Variants in TBC1D16 observed in about 807,000 individuals in gnomAD.
TBC1D16 encodes TBC1 domain family member 16.
A neutral mutation model predicts 74.7 loss-of-function variants in TBC1D16; 58 were observed. That is an observed-to-expected ratio of 0.78 (90% CI 0.63 to 0.97). TBC1D16 has a LOEUF of 0.97. Among genes scored for constraint, TBC1D16 ranks in the 50% least tolerant of loss-of-function variants. The probability of loss-of-function intolerance (pLI) is 0.00; values close to 1 mark genes in which losing one functional copy is unlikely to be tolerated. For synonymous variants in TBC1D16, 493 were observed against 474.7 expected (o/e 1.04, Z -0.50); for missense variants, 1,014 against 1,079.5 (o/e 0.94, Z 0.85).
intron 2 of TBC1D16, among the ~76,000 whole-genome samples, chr17:80,011,421 C>T (rs1053622963): frequency 1.3e-5 from 2 of 152,186 alleles, no homozygotes; most frequent in Non-Finnish European, 2.9e-5. Context: ...CAGGGCTCAC[C>T]TGCCTGCAGC....
rs1252001616 is a variant in TBC1D16, at chr17:79,940,950, C to T, written c.2213G>A (p.Gly738Glu). The T allele has an allele frequency of 6.2e-7, 1 of 1,602,616 alleles. No homozygotes were observed. The highest frequency in any genetic ancestry group is 8.5e-7 in the Non-Finnish European group (1 of 1,175,184). ...HHPGSESCPY[G>E]GTVEMPSPKS... ...GGGGGAAGGCATCTCCACCGTGCCC[C>T]CGTAGGGACAGCTCTCCGAGCCGGG... The change falls in exon 12 of 12, where the codon GGG (glycine) becomes GAG (glutamate). Residue 738 changes from glycine to glutamate, a missense_variant. Physicochemically the swap from Gly to Glu is moderately conservative, Grantham distance 98. Transcript: ENST00000310924. The surrounding 1 kb of genome is among the most constrained non-coding windows in gnomAD (Gnocchi z 5.4).
At chr17:80,012,591 A>C (rs1426942329) in intron 2 of TBC1D16, among the ~76,000 whole-genome samples, 1 of 150,898 alleles carries the variant, frequency 6.6e-6, no homozygotes, top group Admixed American at 6.6e-5. Flanking sequence ...TTTTTTTTTT[A>C]ATAGAGATGA....
chr17:79,948,987 C>T lies in TBC1D16; in HGVS notation c.1426G>A (p.Glu476Lys), dbSNP rs34845477. The T allele has an allele frequency of 4.0e-4, 647 of 1,614,122 alleles. No individual in the cohort carries two copies. In the African/African-American group the frequency reaches 7.7e-3, roughly 19 times the overall value. Reference sequence around the variant, plus strand: ...ACATTACGCCAGAACGCTCTGTGCTCCTCGGGAGTCATGGAGAGCCTGTGT... The same window carrying T: ...ACATTACGCCAGAACGCTCTGTGCTTCTCGGGAGTCATGGAGAGCCTGTGT... ...QQKRLSMTPE[E>K]HRAFWRNVQF... is the part of the protein sequence containing the mutation. Residue 476 changes from glutamate to lysine, a missense_variant, in exon 8 of 12, where the codon GAG becomes AAG. Transcript: ENST00000310924.
chr17:79,960,807 A>AAAAAAAAAG (rs2033574287), intron 3 of TBC1D16, among the ~76,000 whole-genome samples: 1 of 141,622 alleles, frequency 7.1e-6, no homozygotes, highest in Admixed American at 7.0e-5. Context: ...AAAAAAAAAA[A>AAAAAAAAAG]AACGAAGGAA....
intron 1 of TBC1D16, 41 bp from the exon 2 acceptor site, chr17:80,013,650 T>G: frequency 7.8e-7 from 1 of 1,281,882 alleles, no homozygotes; most frequent in South Asian, 1.6e-5. Flanking sequence ...GGTTGTGGAC[T>G]TGCGTTCTGT....
chr17:79,949,010 T>C lies in TBC1D16; in HGVS notation c.1407-4A>G. 1 of 1,613,938 alleles carries C rather than the reference T, an allele frequency of 6.2e-7. No homozygotes were observed. On this transcript the variant is annotated splice_polypyrimidine_tract_variant and splice_region_variant and intron_variant, in intron 7 of 11. Coordinates refer to ENST00000310924, the MANE Select transcript of TBC1D16 (RefSeq NM_019020.4). ...CTCCTCGGGAGTCATGGAGAGCCTG[T>C]GTGGAGCCGAGCACCCAGCCGGGGT...
At chr17:79,949,649 A>G in intron 7 of TBC1D16, 68 bp downstream of exon 7, 1 of 1,554,944 alleles carries the variant, frequency 6.4e-7, no homozygotes, top group South Asian at 1.2e-5. Flanking sequence ...TGCACCTCAA[A>G]TTGCCTTTTC....
At chr17:79,949,686 C>T (rs771861506) in intron 7 of TBC1D16, 31 bp downstream of exon 7, 1 of 1,582,614 alleles carries the variant, frequency 6.3e-7, no homozygotes, top group Non-Finnish European at 8.6e-7. Flanking sequence ...CGCGGCTCGG[C>T]GGGGTGGGCC....
chr17:80,034,189 CT>C (rs60054678), intron 1 of TBC1D16, among the ~76,000 whole-genome samples: 7,993 of 140,384 alleles, frequency 0.057, 703 homozygotes, highest in African/African-American at 0.2. Flanking sequence ...CAGATAAAAA[CT>C]TTTTTTTTCC....
intron 8 of TBC1D16, 121 bp from the exon 9 acceptor site, chr17:79,947,952 G>A: frequency 1.3e-6 from 1 of 774,576 alleles, no homozygotes. Context: ...TCAGTGGAAG[G>A]CAGCTGTGCC....
chr17:79,938,180 G>A lies in TBC1D16; in HGVS notation c.*2679C>T, dbSNP rs1311938286. The stretch of plus-strand genomic sequence containing the variant: ...TCCTCTAATTGCATCCAGATTAAGG[G>A]AGTTGTGGAGGGGCGGGGCTTCTCC... On this transcript the variant is annotated 3_prime_UTR_variant, in exon 12 of 12. Transcript: ENST00000310924. 6.6e-6 allele frequency: 1 copy of A among 152,226 alleles called. No homozygotes were observed. Among genetic ancestry groups the A allele is most frequent in the African/African-American group, 2.4e-5 (1 of 41,460 alleles). The allele number at this position is 152,226 out of a possible 1,614,324, so 9.4% of individuals were successfully genotyped here. A position where few individuals can be genotyped will look rare whatever the true frequency, so the allele number is the denominator to read the frequency against.
At chr17:79,977,485 C>T (rs553140401) in intron 3 of TBC1D16, among the ~76,000 whole-genome samples, 1 of 152,374 alleles carries the variant, frequency 6.6e-6, no homozygotes, top group Non-Finnish European at 1.5e-5. Context: ...AGGGTGATGT[C>T]TCAGCCATCT....
chr17:80,027,041 G>T lies in TBC1D16; in HGVS notation c.-63+8754C>A, dbSNP rs139433498. 5.8e-5 allele frequency among the ~76,000 whole-genome samples: 8 copies of T among 138,240 alleles called. 1 individual carries two copies. Among genetic ancestry groups the T allele is most frequent in the African/African-American group, 2.8e-4 (8 of 28,824 alleles). 90.7% of individuals were successfully genotyped at this position (138,240 alleles called of 152,430 possible). On this transcript the variant is annotated intron_variant, in intron 1 of 11. Transcript: ENST00000310924. Reference sequence around the variant, plus strand: ...GCCTGCAGCAAAGAACAGACACCAGGCTTTTCCAATCTATAGGAAGGACTC... The same window carrying T: ...GCCTGCAGCAAAGAACAGACACCAGTCTTTTCCAATCTATAGGAAGGACTC...
rs187243570 is a variant in TBC1D16 at position 79,981,478 on chromosome 17, G to C, written c.780-28660C>G. 3.9e-5 allele frequency among the ~76,000 whole-genome samples: 6 copies of C among 152,290 alleles called. No individual in the cohort carries two copies. The South Asian group carries it at 1.0e-3, about 26-fold the overall frequency. On this transcript the variant is annotated intron_variant, in intron 3 of 11. Transcript: ENST00000310924. The surrounding 1 kb of genome is among the most constrained non-coding windows in gnomAD (Gnocchi z 6.9). ...AGCCAGGGAAGCTCTGGGTGCCCCC[G>C]ACAAGTTTAACCCCTTCCTTCTTTG... is the stretch of plus-strand genomic sequence containing the variant.
intron 1 of TBC1D16, among the ~76,000 whole-genome samples, chr17:80,013,837 C>T (rs2035993774): frequency 6.6e-6 from 1 of 152,142 alleles, no homozygotes; most frequent in Non-Finnish European, 1.5e-5. Flanking sequence ...ATGCCACCAG[C>T]ACCTCCCTTC....
chr17:80,018,693 C>T (rs1436240723), intron 1 of TBC1D16, among the ~76,000 whole-genome samples: 1 of 149,018 alleles, frequency 6.7e-6, no homozygotes, highest in African/African-American at 2.6e-5. Flanking sequence ...TCTGAAACTC[C>T]TGGGCTCAAG....
chr17:80,034,470 G>C (rs1598461825), intron 1 of TBC1D16, among the ~76,000 whole-genome samples: 1 of 152,226 alleles, frequency 6.6e-6, no homozygotes, highest in South Asian at 2.1e-4. Flanking sequence ...CCAAAGTGCT[G>C]GGATTACAGC....
chr17:80,005,647 A>G (rs1025706283), intron 3 of TBC1D16, among the ~76,000 whole-genome samples: 2 of 152,154 alleles, frequency 1.3e-5, no homozygotes, highest in African/African-American at 4.8e-5. Flanking sequence ...CCATCCCCCA[A>G]GTCAGCCTCG....
chr17:80,031,343 G>A lies in TBC1D16; in HGVS notation c.-63+4452C>T, dbSNP rs2036768968. On this transcript the variant is annotated intron_variant, in intron 1 of 11. Coordinates refer to ENST00000310924, the MANE Select transcript of TBC1D16 (RefSeq NM_019020.4). ...GCCACATTCAGGATACACCCGGAAA[G>A]CCTGGGGCCCAAAGATGAGCCTCTA... Among the ~76,000 whole-genome samples the A allele has an allele frequency of 2.6e-5, 4 of 152,348 alleles. No individual in the cohort carries two copies. In the South Asian group the frequency reaches 8.3e-4, roughly 32 times the overall value.
Sources: allele counts gnomAD v4.1 joint callset (sites outside exome capture counted in the v4.1 genomes callset), GRCh38; gene constraint gnomAD v4.1.1; non-coding constraint Gnocchi (gnomAD v3.1); transcripts MANE v1.5; gene names NCBI Gene and HGNC (gene_info 2026-07-23, HGNC 2026-07-21).